The following LYPLA1 variants were observed in gnomAD, a reference collection of about 807,000 sequenced individuals.
LYPLA1 encodes acyl-protein thioesterase 1.
In LYPLA1, 17 loss-of-function variants were observed where a neutral mutation model predicts 34.0. The ratio of observed to expected loss-of-function variants is 0.50; its 90% CI spans 0.34 to 0.75. LYPLA1 has a LOEUF of 0.75. Among genes scored for constraint, LYPLA1 ranks in the 30% least tolerant of loss-of-function variants. LYPLA1 has a pLI of 0.01. For missense variants in LYPLA1, 203 were observed against 288.8 expected (o/e 0.70, Z 2.15); for synonymous variants, 98 against 100.8 (o/e 0.97, Z 0.17).
At chr8:54,057,837 C>T (rs11993367) in intron 5 of LYPLA1, among the ~76,000 whole-genome samples, 50,699 of 151,956 alleles carry the variant, frequency 0.33, 11,321 homozygotes, top group East Asian at 0.74. Flanking sequence ...AAAGGATAAA[C>T]GCTTGAGGGG....
rs1396013515 is a variant in LYPLA1, at chr8:54,101,931, G to A, written c.-108C>T. On this transcript the variant is annotated 5_prime_UTR_variant, in exon 1 of 9. Transcript: ENST00000316963. ...GCCGGCCCCACCGGGCGCACGCTCA[G>A]GCGCGTGCGCGCCAACGCGGCCCCG... 3 of 516,894 alleles carry A rather than the reference G, an allele frequency of 5.8e-6. No individual in the cohort carries two copies. The highest frequency in any genetic ancestry group is 8.0e-6 in the Non-Finnish European group (3 of 373,914). The allele number at this position is 516,894 out of a possible 1,614,324, so 32.0% of individuals were successfully genotyped here.
chr8:54,056,375 T>A (rs1015967268), intron 5 of LYPLA1, among the ~76,000 whole-genome samples: 3 of 152,168 alleles, frequency 2.0e-5, no homozygotes, highest in African/African-American at 7.2e-5. Flanking sequence ...CTCCAGGACA[T>A]TGGTCTGGGC....
chr8:54,044,513 T>C (rs558725092), downstream of LYPLA1, among the ~76,000 whole-genome samples: 3 of 152,152 alleles, frequency 2.0e-5, no homozygotes, highest in African/African-American at 7.2e-5. Flanking sequence ...TGAGGGATGA[T>C]TTCATCTCTC....
intron 2 of LYPLA1, among the ~76,000 whole-genome samples, chr8:54,088,581 C>T (rs910068668): frequency 1.3e-5 from 2 of 152,166 alleles, no homozygotes; most frequent in African/African-American, 4.8e-5. Context: ...AAACATAGAG[C>T]TACCATTGAC....
At chr8:54,070,859 T>G (rs1022468966) in intron 2 of LYPLA1, among the ~76,000 whole-genome samples, 3 of 152,202 alleles carry the variant, frequency 2.0e-5, no homozygotes, top group Non-Finnish European at 2.9e-5. Context: ...CCAGTTACAA[T>G]AGAACACAAA....
chr8:54,098,997 A>G (rs1809903118), intron 2 of LYPLA1, among the ~76,000 whole-genome samples: 1 of 152,194 alleles, frequency 6.6e-6, no homozygotes, highest in South Asian at 2.1e-4. Flanking sequence ...GGTTAAAAAG[A>G]AGGATACTTT....
At chr8:54,057,373 T>A (rs1586086216) in intron 5 of LYPLA1, among the ~76,000 whole-genome samples, 1 of 152,292 alleles carries the variant, frequency 6.6e-6, no homozygotes, top group East Asian at 1.9e-4. Flanking sequence ...ATGTTTGTTG[T>A]AGCACTGTTC....
At chr8:54,051,316 A>T in intron 7 of LYPLA1, 128 bp from the exon 8 acceptor site, 1 of 769,938 alleles carries the variant, frequency 1.3e-6, no homozygotes. Context: ...CCAAAAAAAT[A>T]AAATTCCTTC....
intron 2 of LYPLA1, among the ~76,000 whole-genome samples, chr8:54,084,094 C>T (rs943140464): frequency 8.5e-5 from 12 of 141,666 alleles, no homozygotes; most frequent in Admixed American, 1.4e-4. Context: ...GTTGAGATCA[C>T]GCCACTGCAC....
rs140645341 is a variant in LYPLA1 at position 54,086,681 on chromosome 8, A to G, written c.101+14227T>C. On this transcript the variant is annotated intron_variant, in intron 2 of 8. Coordinates refer to ENST00000316963, the MANE Select transcript of LYPLA1 (RefSeq NM_006330.4). ...AGTTCAAGACCAGCCTGTGCAGCAT[A>G]GTAAGACCCCATCTCCACAAAAAAT... Among the ~76,000 whole-genome samples, 549 of 151,866 alleles carry G rather than the reference A, an allele frequency of 3.6e-3. 10 individuals carry two copies. Among genetic ancestry groups the G allele is most frequent in the Admixed American group, 0.031 (470 of 15,224 alleles).
chr8:54,050,905 T>C, intron 8 of LYPLA1, 107 bp downstream of exon 8: 1 of 1,164,806 alleles, frequency 8.6e-7, no homozygotes, highest in Non-Finnish European at 1.2e-6. Context: ...TGACTCAATA[T>C]GAATTAACTC....
intron 2 of LYPLA1, among the ~76,000 whole-genome samples, chr8:54,084,879 G>C (rs550956601): frequency 6.3e-4 from 96 of 152,290 alleles, no homozygotes; most frequent in African/African-American, 2.2e-3. Flanking sequence ...ACAAGGAATT[G>C]AATCAGTAAT....
intron 2 of LYPLA1, among the ~76,000 whole-genome samples, chr8:54,078,971 G>C (rs1808112107): frequency 6.7e-6 from 1 of 150,290 alleles, no homozygotes; most frequent in Non-Finnish European, 1.5e-5. Context: ...CGTATTTTCA[G>C]TGTTAACAGC....
At chr8:54,056,738 C>A (rs1055135810) in intron 5 of LYPLA1, among the ~76,000 whole-genome samples, 1 of 152,136 alleles carries the variant, frequency 6.6e-6, no homozygotes, top group Non-Finnish European at 1.5e-5. Flanking sequence ...CGTGGTGAAA[C>A]CCCGTATCTA....
chr8:54,101,895 G>T lies in LYPLA1; in HGVS notation c.-72C>A, dbSNP rs984202860. 4.4e-5 allele frequency: 41 copies of T among 935,632 alleles called. No homozygotes were observed. The highest frequency in any genetic ancestry group is 2.0e-4 in the Admixed American group (4 of 20,140). 58.0% of individuals were successfully genotyped at this position (935,632 alleles called of 1,614,324 possible). ...GGCCGCGGCCCAAGGGCGTGCGAGC[G>T]GCGAGTCCCGGCCGGCCCCACCGGG... On this transcript the variant is annotated 5_prime_UTR_variant, in exon 1 of 9. Transcript: ENST00000316963.
chr8:54,086,438 T>TAAAAAAAAAAAAAAAAAAAAAAA (rs768755796), intron 2 of LYPLA1, among the ~76,000 whole-genome samples: 1 of 34,690 alleles, frequency 2.9e-5, no homozygotes, highest in Non-Finnish European at 5.3e-5. Flanking sequence ...CTAAAAAAAT[T>TAAAAAAAAAAAAAAAAAAAAAAA]AAAAAAAAAA....
chr8:54,079,038 T>A (rs1808117572), intron 2 of LYPLA1, among the ~76,000 whole-genome samples: 1 of 152,116 alleles, frequency 6.6e-6, no homozygotes, highest in South Asian at 2.1e-4. Context: ...CAGGCTGGAG[T>A]GCAGGGATGG....
chr8:54,081,835 T>G (rs568866918), intron 2 of LYPLA1, among the ~76,000 whole-genome samples: 1 of 152,140 alleles, frequency 6.6e-6, no homozygotes, highest in South Asian at 2.1e-4. Context: ...GTTCAAGTGA[T>G]TCTCCTGCCT....
At chr8:54,099,447 GT>G (rs1809944812) in intron 2 of LYPLA1, among the ~76,000 whole-genome samples, 1 of 152,158 alleles carries the variant, frequency 6.6e-6, no homozygotes, top group African/African-American at 2.4e-5. Flanking sequence ...GGAGGCTCAG[GT>G]GGGTGGATCA....
Sources: gnomAD v4.1 joint callset for allele counts (sites outside exome capture counted in the v4.1 genomes callset) on GRCh38, gnomAD v4.1.1 for gene constraint, MANE v1.5 for transcripts, NCBI Gene and HGNC (gene_info 2026-07-23, HGNC 2026-07-21) for gene names.